ZFHX3: variants seen among roughly 807,000 people sequenced by gnomAD.
ZFHX3 encodes zinc finger homeobox protein 3.
Under a neutral mutation model 279.1 loss-of-function variants are expected in ZFHX3, and 42 were observed. The ratio of observed to expected loss-of-function variants is 0.15; its 90% CI spans 0.12 to 0.19. ZFHX3 has a LOEUF of 0.19. Among genes scored for constraint, ZFHX3 ranks in the 10% least tolerant of loss-of-function variants. ZFHX3 has a pLI of 1.00. For synonymous variants in ZFHX3, 2,293 were observed against 1,957.8 expected, an observed-to-expected ratio of 1.17 and a Z score of -4.52; for missense variants, 4,981 against 4,754.0, an observed-to-expected ratio of 1.05 and a Z score of -1.40.
chr16:73,002,994 T>C (rs1434378542), intron 1 of ZFHX3, among the ~76,000 whole-genome samples: 1 of 152,214 alleles, frequency 6.6e-6, no homozygotes, highest in Non-Finnish European at 1.5e-5. Flanking sequence ...ATGCATATTT[T>C]AAAAATTAAA....
chr16:72,909,140 G>A (rs758403186), intron 3 of ZFHX3, among the ~76,000 whole-genome samples: 11 of 152,306 alleles, frequency 7.2e-5, no homozygotes, highest in South Asian at 2.1e-4. Flanking sequence ...CATGAAAAGC[G>A]GTTTGGGGAG....
intron 1 of ZFHX3, among the ~76,000 whole-genome samples, chr16:72,984,625 C>CA (rs60014247): frequency 0.32 from 42,311 of 132,424 alleles, 6,674 homozygotes; most frequent in Non-Finnish European, 0.36. Context: ...GACTCTGACT[C>CA]AAAAAAAAAA....
intron 5 of ZFHX3, among the ~76,000 whole-genome samples, chr16:73,219,215 G>A (rs1292271415): frequency 2.6e-5 from 4 of 152,182 alleles, no homozygotes; most frequent in Middle Eastern, 3.2e-3. Context: ...TTAGGTTCTT[G>A]GATGTGGTTT....
chr16:73,466,566 C>T (rs2018575908), intron 2 of ZFHX3, among the ~76,000 whole-genome samples: 1 of 152,124 alleles, frequency 6.6e-6, no homozygotes, highest in African/African-American at 2.4e-5. Flanking sequence ...TACTTAATTT[C>T]TCTATGCCTC....
chr16:73,464,967 G>A (rs963871933), intron 2 of ZFHX3, among the ~76,000 whole-genome samples: 3 of 152,256 alleles, frequency 2.0e-5, no homozygotes, highest in African/African-American at 7.2e-5. Flanking sequence ...CTGGGCGGGA[G>A]GGGAGAGCCT....
intron 3 of ZFHX3, among the ~76,000 whole-genome samples, chr16:72,907,680 C>T (rs2039217043): frequency 7.6e-6 from 1 of 131,832 alleles, no homozygotes; most frequent in South Asian, 2.5e-4. Context: ...CCTCCAAATT[C>T]CTTTTTTTTT....
intron 5 of ZFHX3, among the ~76,000 whole-genome samples, chr16:73,218,244 A>C (rs1394475314): frequency 5.3e-5 from 8 of 152,200 alleles, no homozygotes; most frequent in Non-Finnish European, 1.0e-4. Flanking sequence ...AGAAAAAGGA[A>C]ACTCCTTTTT....
chr16:73,226,361 A>G (rs968493128), intron 5 of ZFHX3, among the ~76,000 whole-genome samples: 1 of 152,280 alleles, frequency 6.6e-6, no homozygotes, highest in Admixed American at 6.5e-5. Context: ...AGAATCTGTG[A>G]GTGAATGTAC....
At chr16:72,863,220 A>C (rs183135887) in intron 4 of ZFHX3, among the ~76,000 whole-genome samples, 1 of 151,796 alleles carries the variant, frequency 6.6e-6, no homozygotes, top group Non-Finnish European at 1.5e-5. Context: ...AGAGAGATAC[A>C]GGTCAGGCAT....
intron 2 of ZFHX3, among the ~76,000 whole-genome samples, chr16:73,594,869 T>C (rs751325626): frequency 6.6e-6 from 1 of 152,178 alleles, no homozygotes; most frequent in African/African-American, 2.4e-5. Flanking sequence ...CGCCTTTTGT[T>C]GTTAATATTT....
chr16:72,884,557 G>T (rs187139120), intron 4 of ZFHX3, among the ~76,000 whole-genome samples: 39 of 152,292 alleles, frequency 2.6e-4, no homozygotes, highest in African/African-American at 1.2e-4. Flanking sequence ...TTAATTACAT[G>T]CATGTAAAAT....
intron 2 of ZFHX3, among the ~76,000 whole-genome samples, chr16:73,473,766 A>G (rs2018716467): frequency 6.6e-6 from 1 of 152,226 alleles, no homozygotes; most frequent in Non-Finnish European, 1.5e-5. Flanking sequence ...TGGTTTTCCC[A>G]TCTGTTTCTT....
intron 4 of ZFHX3, among the ~76,000 whole-genome samples, chr16:73,288,592 A>C (rs2014689408): frequency 6.6e-6 from 1 of 152,158 alleles, no homozygotes; most frequent in Non-Finnish European, 1.5e-5. Flanking sequence ...CGCTGTCCGC[A>C]GCGGAGATGG....
At chr16:73,871,770 T>C (rs1384939387) in intron 1 of ZFHX3, among the ~76,000 whole-genome samples, 2 of 152,116 alleles carry the variant, frequency 1.3e-5, no homozygotes, top group South Asian at 2.1e-4. Flanking sequence ...ATACCTCTGG[T>C]GGTAGTTGTT....
chr16:73,238,810 C>T (rs557827977), intron 5 of ZFHX3, among the ~76,000 whole-genome samples: 71 of 152,168 alleles, frequency 4.7e-4, no homozygotes, highest in Admixed American at 1.2e-3. Context: ...CTCTTTCATG[C>T]CTCTAGGATT....
rs574311569 is a variant in ZFHX3, at chr16:73,277,487, C to T, written c.-1193-20351G>A. On this transcript the variant is annotated intron_variant, in intron 4 of 17. Transcript: ENST00000641206. ...ATCCGAAAGCATGATAGTATTTATC[C>T]TCAGGGGCTACCATTTATAGAGGAG... Among the ~76,000 whole-genome samples the T allele has an allele frequency of 7.9e-5, 12 of 152,212 alleles. 1 individual carries two copies. The South Asian group carries it at 2.5e-3, about 32-fold the overall frequency.
intron 3 of ZFHX3, among the ~76,000 whole-genome samples, chr16:73,372,725 C>T (rs1324522068): frequency 1.3e-5 from 2 of 152,142 alleles, no homozygotes; most frequent in Non-Finnish European, 2.9e-5. Flanking sequence ...TTGGATGATT[C>T]CGGTGACACT....
In ZFHX3 at chr16:72,966,231, A is replaced by G. The variant is rs11864990; in HGVS notation, c.-49-6037T>C. Among the ~76,000 whole-genome samples, 545 of 152,328 alleles carry G rather than the reference A, an allele frequency of 3.6e-3. 5 individuals carry two copies. Among genetic ancestry groups the G allele is most frequent in the African/African-American group, 0.013 (529 of 41,566 alleles). On this transcript the variant is annotated intron_variant, in intron 1 of 9. Transcript: ENST00000268489. ...GCACACCAGACTCGAGGGAACAATT[A>G]AAATGCTCAACGGTGGAATCAAGAC... is the stretch of plus-strand genomic sequence containing the variant.
At chr16:73,253,089 A>G (rs903552587) in intron 5 of ZFHX3, among the ~76,000 whole-genome samples, 4 of 152,218 alleles carry the variant, frequency 2.6e-5, no homozygotes, top group Non-Finnish European at 5.9e-5. Context: ...TGAGCACGGC[A>G]AAGTGCTAGA....
Sources: gnomAD v4.1 joint callset for allele counts (sites outside exome capture counted in the v4.1 genomes callset) on GRCh38, gnomAD v4.1.1 for gene constraint, MANE v1.5 for transcripts, NCBI Gene and HGNC (gene_info 2026-07-23, HGNC 2026-07-21) for gene names.